Variants in NUDT3 observed in about 807,000 individuals in gnomAD.
NUDT3 encodes the protein diphosphoinositol polyphosphate phosphohydrolase 1.
Under a neutral mutation model 23.6 loss-of-function variants are expected in NUDT3, and 9 were observed. That is an observed-to-expected ratio of 0.38 (90% CI 0.23 to 0.66). The LOEUF is 0.66. Ranked by LOEUF, NUDT3 falls within the 30% of genes least tolerant of loss-of-function variation. NUDT3 has a pLI of 0.52. For missense variants in NUDT3, 172 were observed against 218.5 expected (o/e 0.79, Z 1.34); for synonymous variants, 86 against 82.6 (o/e 1.04, Z -0.22).
In NUDT3 at chr6:34,285,304, G is replaced by GTACA. The variant is rs1455775244; in HGVS notation, c.*3445_*3448dup. On this transcript the variant is annotated 3_prime_UTR_variant, in exon 5 of 5. Transcript: ENST00000607016. ...GTTGACACTTCCTGGTAGCCCTTCTGTACATACACACACACACACCCAGAG... is the reference window on the plus strand; with the variant it reads ...GTTGACACTTCCTGGTAGCCCTTCTGTACATACATACACACACACACACCCAGAG... 1.3e-5 allele frequency: 2 copies of GTACA among 152,166 alleles called. No individual in the cohort carries two copies. The highest frequency in any genetic ancestry group is 2.9e-5 in the Non-Finnish European group (2 of 68,044). The allele number at this position is 152,166 out of a possible 1,614,324, so 9.4% of individuals were successfully genotyped here. A position where few individuals can be genotyped will look rare whatever the true frequency, so the allele number is the denominator to read the frequency against.
chr6:34,290,063 AT>A (rs1194785002), intron 4 of NUDT3, among the ~76,000 whole-genome samples: 1 of 152,024 alleles, frequency 6.6e-6, no homozygotes, highest in Non-Finnish European at 1.5e-5. Context: ...TTCCTGCTCC[AT>A]TTTCCTCATC....
chr6:34,348,911 G>A (rs1376785748), intron 1 of NUDT3, among the ~76,000 whole-genome samples: 1 of 151,714 alleles, frequency 6.6e-6, no homozygotes, highest in African/African-American at 2.4e-5. Context: ...CCAGGCTAGA[G>A]CGCAGTGGTG....
chr6:34,355,482 G>T (rs916791480), intron 1 of NUDT3, among the ~76,000 whole-genome samples: 9 of 151,990 alleles, frequency 5.9e-5, no homozygotes, highest in African/African-American at 9.7e-5. Flanking sequence ...AGTGTCTGAT[G>T]TTCTCTTTTC....
At chr6:34,381,233 GTCT>G (rs1765012785) in intron 1 of NUDT3, among the ~76,000 whole-genome samples, 1 of 151,964 alleles carries the variant, frequency 6.6e-6, no homozygotes, top group Non-Finnish European at 1.5e-5. Context: ...GCTCAGCCTT[GTCT>G]CAAACTCTTG....
chr6:34,360,802 AT>A (rs1420207392), intron 1 of NUDT3, among the ~76,000 whole-genome samples: 1 of 152,208 alleles, frequency 6.6e-6, no homozygotes, highest in African/African-American at 2.4e-5. Flanking sequence ...TGGAAAAAAA[AT>A]ATTTTCACAA....
chr6:34,333,110 C>A (rs1002350060), intron 2 of NUDT3, among the ~76,000 whole-genome samples: 1 of 152,156 alleles, frequency 6.6e-6, no homozygotes, highest in African/African-American at 2.4e-5. Flanking sequence ...TGGGAGCAAG[C>A]CTGTTCCCCT....
chr6:34,294,752 T>C (rs1295587515), intron 3 of NUDT3, among the ~76,000 whole-genome samples: 2 of 151,784 alleles, frequency 1.3e-5, no homozygotes, highest in East Asian at 3.9e-4. Flanking sequence ...TTTATTTACA[T>C]ATCTATTTTT....
chr6:34,369,496 G>A (rs1764794370), intron 1 of NUDT3, among the ~76,000 whole-genome samples: 1 of 152,204 alleles, frequency 6.6e-6, no homozygotes, highest in South Asian at 2.1e-4. Flanking sequence ...AGACAGAGGA[G>A]ACGGCTGCTC....
At chr6:34,300,985 C>T (rs1324532952) in intron 2 of NUDT3, among the ~76,000 whole-genome samples, 1 of 152,152 alleles carries the variant, frequency 6.6e-6, no homozygotes, top group African/African-American at 2.4e-5. Flanking sequence ...AGTTTCTCTA[C>T]TGAATTTAAA....
chr6:34,350,323 G>A (rs1329512337), intron 1 of NUDT3, among the ~76,000 whole-genome samples: 1 of 150,532 alleles, frequency 6.6e-6, no homozygotes, highest in Non-Finnish European at 1.5e-5. Context: ...ACCCCAGATG[G>A]CACCAGGACC....
intron 1 of NUDT3, among the ~76,000 whole-genome samples, chr6:34,356,410 C>G (rs1444461984): frequency 6.6e-6 from 1 of 152,110 alleles, no homozygotes; most frequent in East Asian, 1.9e-4. Context: ...ACGGCTGATT[C>G]CATGACCAAC....
intron 2 of NUDT3, among the ~76,000 whole-genome samples, chr6:34,301,888 A>G (rs1263506753): frequency 6.6e-6 from 1 of 152,196 alleles, no homozygotes; most frequent in Non-Finnish European, 1.5e-5. Context: ...TATGAGTGTG[A>G]AATTGCATTA....
chr6:34,367,706 T>C (rs1445472592), intron 1 of NUDT3, among the ~76,000 whole-genome samples: 1 of 152,164 alleles, frequency 6.6e-6, no homozygotes, highest in Non-Finnish European at 1.5e-5. Context: ...ACATTGGCTT[T>C]CTTTTTCTCA....
intron 2 of NUDT3, among the ~76,000 whole-genome samples, chr6:34,313,552 A>G (rs972945993): frequency 1.3e-5 from 2 of 152,034 alleles, no homozygotes; most frequent in African/African-American, 4.8e-5. Flanking sequence ...TAGCAAATGT[A>G]CTGCTGTGGT....
chr6:34,329,011 C>T (rs1020158136), intron 2 of NUDT3, among the ~76,000 whole-genome samples: 4 of 152,004 alleles, frequency 2.6e-5, no homozygotes, highest in Non-Finnish European at 5.9e-5. Flanking sequence ...TTTTTTCCCC[C>T]ACTCCAGAGC....
At chr6:34,337,326 A>G (rs1198837891) in intron 2 of NUDT3, among the ~76,000 whole-genome samples, 1 of 152,250 alleles carries the variant, frequency 6.6e-6, no homozygotes, top group Non-Finnish European at 1.5e-5. Context: ...GTCAGAAAAG[A>G]ATCACATCAT....
At position 34,392,253 on chromosome 6, in the gene NUDT3, T is replaced by TGCCGCCTC. The variant is rs769765872; in HGVS notation, c.99+3_99+10dup. 2 of 1,580,582 alleles carry TGCCGCCTC rather than the reference T, an allele frequency of 1.3e-6. No homozygotes were observed. Among genetic ancestry groups the TGCCGCCTC allele is most frequent in the South Asian group, 2.3e-5 (2 of 88,140 alleles). ...CCCGGCGACCCCGGCCCGCCCAGCC[T>TGCCGCCTC]GCCGCCTCACCTCCTCCTCGCTCTC... On this transcript the variant is annotated intron_variant, in intron 1 of 4. Transcript: ENST00000607016.
chr6:34,327,180 G>A (rs751497710), intron 2 of NUDT3, among the ~76,000 whole-genome samples: 4 of 152,104 alleles, frequency 2.6e-5, no homozygotes, highest in Non-Finnish European at 5.9e-5. Flanking sequence ...CTTATAGGTA[G>A]CCGAAACAGA....
intron 2 of NUDT3, among the ~76,000 whole-genome samples, chr6:34,304,742 CCTTGACTACCCAGG>C (rs1427894627): frequency 6.6e-6 from 1 of 151,356 alleles, no homozygotes; most frequent in African/African-American, 2.4e-5. Flanking sequence ...CTCACTGCAG[CCTTGACTACCCAGG>C]CTGAAGCAAT....
Sources: gnomAD v4.1 joint callset for allele counts (sites outside exome capture counted in the v4.1 genomes callset) on GRCh38, gnomAD v4.1.1 for gene constraint, MANE v1.5 for transcripts, NCBI Gene and HGNC (gene_info 2026-07-23, HGNC 2026-07-21) for gene names.